The following DCTN5 variants were observed in gnomAD, a reference collection of about 807,000 sequenced individuals.
DCTN5 encodes the protein dynactin 4.
Under a neutral mutation model 23.5 loss-of-function variants are expected in DCTN5, and 14 were observed. That is an observed-to-expected ratio of 0.60 (90% confidence interval 0.39 to 0.93). The LOEUF is 0.93. Ranked by LOEUF, DCTN5 falls within the 40% of genes least tolerant of loss-of-function variation. The probability of loss-of-function intolerance (pLI) is 0.00; values close to 1 mark genes in which losing one functional copy is unlikely to be tolerated. For missense variants in DCTN5, 156 were observed against 225.9 expected (o/e 0.69, Z 1.98); for synonymous variants, 67 against 79.6 (o/e 0.84, Z 0.84).
Position 23,670,316 on chromosome 16 carries a change from T to G in DCTN5, c.*3172T>G, listed in dbSNP as rs568767323. The G allele has an allele frequency of 6.6e-6, 1 of 152,392 alleles. No homozygotes were observed. The highest frequency in any genetic ancestry group is 1.9e-4 in the East Asian group (1 of 5,184). The allele number at this position is 152,392 out of a possible 1,614,324, so 9.4% of individuals were successfully genotyped here. On this transcript the variant is annotated 3_prime_UTR_variant, in exon 6 of 6. Transcript: ENST00000300087. ...TGGTGGCTTCTGTATTAGTCACTTC[T>G]GCATGAACCATTTCACTCAGGATCT... is the stretch of plus-strand genomic sequence containing the variant.
chr16:23,648,912 C>T (rs1967536838), intron 2 of DCTN5, among the ~76,000 whole-genome samples: 2 of 152,046 alleles, frequency 1.3e-5, no homozygotes, highest in South Asian at 4.1e-4. Flanking sequence ...TGCTGGAGTG[C>T]AGTGGCGTGA....
At chr16:23,656,295 C>T (rs1967702263) in intron 2 of DCTN5, among the ~76,000 whole-genome samples, 1 of 152,164 alleles carries the variant, frequency 6.6e-6, no homozygotes, top group Non-Finnish European at 1.5e-5. Flanking sequence ...CCAGTACTTC[C>T]TTAATACCAT....
chr16:23,651,436 T>C (rs538824913), intron 2 of DCTN5, among the ~76,000 whole-genome samples: 1 of 152,366 alleles, frequency 6.6e-6, no homozygotes. Context: ...TTTGCATGTG[T>C]TTGCTTCTTT....
chr16:23,666,969 G>A, intron 5 of DCTN5, 78 bp from the exon 6 acceptor site: 1 of 1,587,094 alleles, frequency 6.3e-7, no homozygotes, highest in Non-Finnish European at 8.6e-7. Context: ...ATTGAGGTGA[G>A]AAGGATATTG....
chr16:23,673,555 C>T lies in DCTN5; in HGVS notation c.*6411C>T, dbSNP rs974883339. The T allele has an allele frequency of 1.3e-5, 2 of 152,172 alleles. No individual in the cohort carries two copies. The highest frequency in any genetic ancestry group is 6.5e-5 in the Admixed American group (1 of 15,280). The allele number at this position is 152,172 out of a possible 1,614,324, so 9.4% of individuals were successfully genotyped here. On this transcript the variant is annotated 3_prime_UTR_variant, in exon 6 of 6. Coordinates refer to ENST00000300087, the MANE Select transcript of DCTN5 (RefSeq NM_032486.4). ...AACATACCTTAGCTGGACGCAGTGG[C>T]GTGCGCCTGTAGTCCCAGCTACTCA... is the stretch of plus-strand genomic sequence containing the variant.
intron 1 of DCTN5, chr16:23,642,657 ATT>A: frequency 8.1e-6 from 2 of 246,250 alleles, no homozygotes; most frequent in Non-Finnish European, 1.6e-5. Context: ...TAATTAAAAA[ATT>A]TTTTTTTTGT....
At chr16:23,647,056 C>CT (rs888518150) in intron 2 of DCTN5, among the ~76,000 whole-genome samples, 7 of 151,464 alleles carry the variant, frequency 4.6e-5, no homozygotes, top group Non-Finnish European at 8.8e-5. Flanking sequence ...ACTCTCAATT[C>CT]TATTTGGTTG....
In DCTN5 at chr16:23,661,265, G is replaced by A; in HGVS notation, c.332G>A (p.Gly111Glu). 1 of 1,611,246 alleles carries A rather than the reference G, an allele frequency of 6.2e-7. No homozygotes were observed. Among genetic ancestry groups the A allele is most frequent in the Non-Finnish European group, 8.5e-7 (1 of 1,178,694 alleles). Residue 111 changes from glycine (G) to glutamate (E), a missense_variant, in exon 4 of 6, where the codon GGG becomes GAG. By Grantham distance (98) the Gly-to-Glu change is moderately conservative. Around this residue, in one of 2 missense-constraint regions of DCTN5, gnomAD observed 153 missense variants for 206.8 expected, o/e 0.74. Coordinates refer to ENST00000300087, the MANE Select transcript of DCTN5 (RefSeq NM_032486.4). The stretch of plus-strand genomic sequence containing the variant: ...CAGATTGGTTCCTATGTTCATGTTG[G>A]GAAGAACTGTGTGATTGTGAGTATG... ...AAQIGSYVHV[G>E]KNCVIGRRCV... is the part of the protein sequence containing the mutation.
In DCTN5 at chr16:23,641,505, C is replaced by G; in HGVS notation, c.-38C>G. The G allele has an allele frequency of 6.2e-7, 1 of 1,613,608 alleles. No individual in the cohort carries two copies. The highest frequency in any genetic ancestry group is 8.5e-7 in the Non-Finnish European group (1 of 1,179,716). The stretch of plus-strand genomic sequence containing the variant: ...TCTCTGAAAGACTGACCGACTGACT[C>G]TGACAGGATCCGGGGCTGAGGGAAG... On this transcript the variant is annotated 5_prime_UTR_variant, in exon 1 of 6. Transcript: ENST00000300087.
chr16:23,666,960 T>G, intron 5 of DCTN5, 87 bp from the exon 6 acceptor site: 1 of 1,571,448 alleles, frequency 6.4e-7, no homozygotes, highest in Non-Finnish European at 8.6e-7. Context: ...ATGCATCTGA[T>G]TGAGGTGAGA....
At chr16:23,661,116 A>T (rs1967801294) in intron 3 of DCTN5, 54 bp from the exon 4 acceptor site, 2 of 1,278,030 alleles carry the variant, frequency 1.6e-6, no homozygotes, top group Admixed American at 3.5e-5. Flanking sequence ...ATAAACCTTG[A>T]CCCAAAGTAC....
chr16:23,661,278 G>A lies in DCTN5; in HGVS notation c.345G>A (p.Val115=). 6.2e-7 allele frequency: 1 copy of A among 1,607,288 alleles called. No homozygotes were observed. The highest frequency in any genetic ancestry group is 8.5e-7 in the Non-Finnish European group (1 of 1,176,450). The stretch of plus-strand genomic sequence containing the variant: ...ATGTTCATGTTGGGAAGAACTGTGT[G>A]ATTGTGAGTATGATGACTTGGCTGG... ...GSYVHVGKNC[V]IGRRCVLKDC... The change falls in exon 4 of 6, where the codon GTG becomes GTA. Residue 115 remains valine (V), a synonymous_variant. Transcript: ENST00000300087.
intron 2 of DCTN5, among the ~76,000 whole-genome samples, chr16:23,644,182 C>T (rs1967372074): frequency 6.6e-6 from 1 of 151,878 alleles, no homozygotes; most frequent in Admixed American, 6.6e-5. Context: ...GGTCGGAGTA[C>T]AGTGGCGCGA....
intron 2 of DCTN5, among the ~76,000 whole-genome samples, chr16:23,645,121 A>ATT (rs1967418130): frequency 3.1e-5 from 1 of 32,624 alleles, no homozygotes; most frequent in African/African-American, 1.5e-4. Flanking sequence ...ATATATATAT[A>ATT]TATATATATA....
Position 23,675,020 on chromosome 16 carries a change from T to TA in DCTN5, c.*7877dup, listed in dbSNP as rs1968066479. The TA allele has an allele frequency of 2.0e-5, 3 of 152,288 alleles. No individual in the cohort carries two copies. Among genetic ancestry groups the TA allele is most frequent in the Admixed American group, 2.0e-4 (3 of 15,286 alleles). The allele number at this position is 152,288 out of a possible 1,614,324, so 9.4% of individuals were successfully genotyped here. On this transcript the variant is annotated 3_prime_UTR_variant, in exon 6 of 6. Coordinates refer to ENST00000300087, the MANE Select transcript of DCTN5 (RefSeq NM_032486.4). ...CCTAACAATCCCATTTTAACTTAGT[T>TA]ACCTCTTCAGGGCCTATCTTCAAAT...
At chr16:23,662,144 T>C (rs1435331828) in intron 4 of DCTN5, among the ~76,000 whole-genome samples, 1 of 152,082 alleles carries the variant, frequency 6.6e-6, no homozygotes, top group Non-Finnish European at 1.5e-5. Flanking sequence ...TTATTAGCCA[T>C]GCTGCTATAT....
At position 23,671,783 on chromosome 16, in the gene DCTN5, G is replaced by A. The variant is rs952138474; in HGVS notation, c.*4639G>A. On this transcript the variant is annotated 3_prime_UTR_variant, in exon 6 of 6. Transcript: ENST00000300087. ...TGGGCCAGCCCCACCTGCTTTCCTT[G>A]TGCACTCTGACTTGGACCCTGAAGT... 2.6e-5 allele frequency: 4 copies of A among 152,242 alleles called. No individual in the cohort carries two copies. Among genetic ancestry groups the A allele is most frequent in the Non-Finnish European group, 5.9e-5 (4 of 68,082 alleles). 9.4% of individuals were successfully genotyped at this position (152,242 alleles called of 1,614,324 possible).
intron 4 of DCTN5, among the ~76,000 whole-genome samples, chr16:23,663,440 G>A (rs188288503): frequency 2.6e-5 from 4 of 152,262 alleles, no homozygotes; most frequent in Admixed American, 2.0e-4. Flanking sequence ...CAGGCCAGGC[G>A]CAGTGGCTCA....
chr16:23,667,235 T>A lies in DCTN5; in HGVS notation c.*91T>A. 1 of 1,505,622 alleles carries A rather than the reference T, an allele frequency of 6.6e-7. No homozygotes were observed. Among genetic ancestry groups the A allele is most frequent in the Admixed American group, 1.8e-5 (1 of 56,598 alleles). 93.3% of individuals were successfully genotyped at this position (1,505,622 alleles called of 1,614,324 possible). On this transcript the variant is annotated 3_prime_UTR_variant, in exon 6 of 6. Transcript: ENST00000300087. Reference sequence around the variant, plus strand: ...TCAGCACCTACAAAGAGCTTTTGTGTCTTTGACATCTACCACCCTCCTCCT... The same window carrying A: ...TCAGCACCTACAAAGAGCTTTTGTGACTTTGACATCTACCACCCTCCTCCT...
Sources: allele counts gnomAD v4.1 joint callset (sites outside exome capture counted in the v4.1 genomes callset), GRCh38; gene constraint gnomAD v4.1.1; regional missense constraint gnomAD v4.1.1; transcripts MANE v1.5; gene names NCBI Gene and HGNC (gene_info 2026-07-23, HGNC 2026-07-21).